The following SEMA3A variants were observed in gnomAD, a reference collection of about 807,000 sequenced individuals.
SEMA3A encodes the protein semaphorin-3A.
A neutral mutation model predicts 97.9 loss-of-function variants in SEMA3A; 29 were observed. The observed-to-expected ratio is 0.30, with a 90% CI of 0.22 to 0.40. The LOEUF is 0.40. SEMA3A is among the 10% of genes least tolerant of loss of function. The probability of loss-of-function intolerance (pLI) is 1.00; values close to 1 mark genes in which losing one functional copy is unlikely to be tolerated. For synonymous variants in SEMA3A, 321 were observed against 323.7 expected (o/e 0.99, Z 0.09); for missense variants, 763 against 951.3 (o/e 0.80, Z 2.60).
At chr7:84,351,197 AT>A (rs1288217640) in intron 2 of SEMA3A, among the ~76,000 whole-genome samples, 2 of 151,948 alleles carry the variant, frequency 1.3e-5, no homozygotes, top group Non-Finnish European at 2.9e-5. Context: ...CAATGCCAAC[AT>A]TTCTAATGAT....
intron 1 of SEMA3A, among the ~76,000 whole-genome samples, chr7:84,166,773 G>A (rs1179961365): frequency 2.0e-5 from 3 of 149,876 alleles, no homozygotes; most frequent in Non-Finnish European, 3.0e-5. Context: ...TACTCAGGAG[G>A]CTGAGGCAGG....
chr7:84,377,316 A>G (rs1205299346), intron 1 of SEMA3A, among the ~76,000 whole-genome samples: 1 of 152,130 alleles, frequency 6.6e-6, no homozygotes, highest in Non-Finnish European at 1.5e-5. Flanking sequence ...TTTGTTGATA[A>G]TAGCTCTTCA....
At chr7:84,402,938 T>C (rs769208380) in intron 1 of SEMA3A, among the ~76,000 whole-genome samples, 11 of 151,798 alleles carry the variant, frequency 7.2e-5, no homozygotes, top group Admixed American at 2.0e-4. Context: ...TGAAGACAGG[T>C]TGGTTTACAA....
intron 1 of SEMA3A, among the ~76,000 whole-genome samples, chr7:84,150,344 G>A (rs202173575): frequency 1.2e-3 from 181 of 152,274 alleles, no homozygotes; most frequent in African/African-American, 1.4e-3. Context: ...TCATCTCACT[G>A]GGGAGTGCCA....
At chr7:83,999,414 A>C (rs1790348383) in intron 12 of SEMA3A, among the ~76,000 whole-genome samples, 1 of 146,734 alleles carries the variant, frequency 6.8e-6, no homozygotes, top group African/African-American at 2.5e-5. Flanking sequence ...TGCACATTCT[A>C]ATTCATATCA....
chr7:84,017,403 C>G (rs1791146264), intron 6 of SEMA3A, among the ~76,000 whole-genome samples: 1 of 152,150 alleles, frequency 6.6e-6, no homozygotes, highest in African/African-American at 2.4e-5. Flanking sequence ...AATTAACAAT[C>G]TCATCTAGTT....
intron 1 of SEMA3A, among the ~76,000 whole-genome samples, chr7:84,487,645 C>T (rs1806609366): frequency 6.6e-6 from 1 of 151,976 alleles, no homozygotes. Context: ...AAGAAGTTAA[C>T]CTGTGGATCT....
At chr7:83,971,498 C>T (rs1194520453) in intron 15 of SEMA3A, among the ~76,000 whole-genome samples, 2 of 150,800 alleles carry the variant, frequency 1.3e-5, no homozygotes, top group Non-Finnish European at 2.9e-5. Flanking sequence ...TAAAAGTCTA[C>T]AGTATATACT....
intron 1 of SEMA3A, among the ~76,000 whole-genome samples, chr7:84,388,732 T>A (rs562976480): frequency 6.6e-6 from 1 of 152,114 alleles, no homozygotes; most frequent in South Asian, 2.1e-4. Flanking sequence ...TAGTAATTTG[T>A]AGGTTATTAG....
rs73183122 is a variant in SEMA3A at position 84,252,783 on chromosome 7, G to A, written c.-83+54424C>T. Among the ~76,000 whole-genome samples the A allele has an allele frequency of 3.6e-3, 553 of 152,244 alleles. 3 individuals are homozygous for A. The highest frequency in any genetic ancestry group is 0.01 in the Middle Eastern group (3 of 294). On this transcript the variant is annotated intron_variant, in intron 3 of 3. Coordinates refer to the SEMA3A transcript ENST00000424555. ...TAAAATTATCAATTTATTTTAAAAT[G>A]CGAAGTGTAATTTTTAATAAAGTTT...
At chr7:84,343,768 G>A (rs183975404) in intron 2 of SEMA3A, among the ~76,000 whole-genome samples, 1 of 152,248 alleles carries the variant, frequency 6.6e-6, no homozygotes, top group East Asian at 1.9e-4. Context: ...GGAAGGCCGA[G>A]GGGAGAGGAG....
chr7:84,492,375 GCA>G (rs1806756586), intron 1 of SEMA3A: 1 of 152,068 alleles, frequency 6.6e-6, no homozygotes, highest in East Asian at 1.9e-4. Context: ...GTTCACTTTT[GCA>G]CAGTCTTTAG....
intron 2 of SEMA3A, among the ~76,000 whole-genome samples, chr7:84,358,700 G>C (rs1344980713): frequency 6.6e-6 from 1 of 151,980 alleles, no homozygotes; most frequent in Admixed American, 6.6e-5. Flanking sequence ...TGATGGGGAT[G>C]GCATTGAATC....
intron 1 of SEMA3A, among the ~76,000 whole-genome samples, chr7:84,188,470 G>A (rs747253626): frequency 4.0e-5 from 6 of 151,878 alleles, no homozygotes; most frequent in Admixed American, 3.9e-4. Context: ...AGATAACAGT[G>A]TTAAAGAACC....
chr7:84,276,611 T>C (rs1270100623), intron 3 of SEMA3A, among the ~76,000 whole-genome samples: 1 of 152,100 alleles, frequency 6.6e-6, no homozygotes, highest in Non-Finnish European at 1.5e-5. Flanking sequence ...ATTATTTTAA[T>C]TTGATTTCCA....
At chr7:84,100,541 G>T (rs868462729) in intron 4 of SEMA3A, among the ~76,000 whole-genome samples, 1 of 152,052 alleles carries the variant, frequency 6.6e-6, no homozygotes, top group African/African-American at 2.4e-5. Flanking sequence ...TATATTCACC[G>T]TTCAATCAAT....
intron 1 of SEMA3A, among the ~76,000 whole-genome samples, chr7:84,158,345 G>A (rs1030428415): frequency 1.3e-5 from 2 of 151,520 alleles, no homozygotes; most frequent in African/African-American, 4.9e-5. Context: ...AATAGTGACG[G>A]GTTTCACCAT....
chr7:84,161,827 T>C (rs554241174), intron 1 of SEMA3A, among the ~76,000 whole-genome samples: 5 of 152,318 alleles, frequency 3.3e-5, no homozygotes, highest in African/African-American at 1.2e-4. Context: ...TATGAGTATA[T>C]TCTATTTTTA....
Position 84,425,470 on chromosome 7 carries a change from T to C in SEMA3A, c.-245-53570A>G, listed in dbSNP as rs565007383. The stretch of plus-strand genomic sequence containing the variant: ...ATTTATATGCATATAAATATATACA[T>C]ATATTTATATAAAAATATAATTATA... On this transcript the variant is annotated intron_variant, in intron 1 of 3. Coordinates refer to the SEMA3A transcript ENST00000424555. Among the ~76,000 whole-genome samples the C allele has an allele frequency of 8.3e-4, 117 of 140,738 alleles. 1 individual carries two copies. Among genetic ancestry groups the C allele is most frequent in the African/African-American group, 2.7e-3 (107 of 38,928 alleles). 92.3% of individuals were successfully genotyped at this position (140,738 alleles called of 152,430 possible). A position where few individuals can be genotyped will look rare whatever the true frequency, so the allele number is the denominator to read the frequency against.
Sources: gnomAD v4.1 joint callset for allele counts (sites outside exome capture counted in the v4.1 genomes callset) on GRCh38, gnomAD v4.1.1 for gene constraint, MANE v1.5 for transcripts, NCBI Gene and HGNC (gene_info 2026-07-23, HGNC 2026-07-21) for gene names.